The following AP4S1 variants were observed in gnomAD, a reference collection of about 807,000 sequenced individuals.
AP4S1 encodes adaptor related protein complex 4 subunit sigma 1.
In AP4S1, 23 loss-of-function variants were observed where a neutral mutation model predicts 19.8. The ratio of observed to expected loss-of-function variants is 1.16; its 90% CI spans 0.84 to 1.65. The LOEUF is 1.65. Among genes scored for constraint, AP4S1 ranks in the 40% most tolerant of loss-of-function variants. The probability of loss-of-function intolerance (pLI) is 0.00; values close to 1 mark genes in which losing one functional copy is unlikely to be tolerated. For synonymous variants in AP4S1, 46 were observed against 54.1 expected (o/e 0.85, Z 0.66); for missense variants, 166 against 172.8 (o/e 0.96, Z 0.22).
intron 5 of AP4S1, 120 bp downstream of exon 5, chr14:31,080,704 C>T: frequency 7.1e-7 from 1 of 1,417,130 alleles, no homozygotes; most frequent in East Asian, 2.3e-5. Flanking sequence ...TCACCAACAA[C>T]TATGACAAGA....
chr14:31,030,186 C>T (rs192355858), intron 1 of AP4S1, among the ~76,000 whole-genome samples: 1 of 152,012 alleles, frequency 6.6e-6, no homozygotes, highest in African/African-American at 2.4e-5. Context: ...TGGGTTTTCG[C>T]CATGTTGCAC....
intron 1 of AP4S1, 72 bp from the exon 2 acceptor site, chr14:31,066,054 T>TA (rs1042298938): frequency 2.8e-6 from 2 of 726,332 alleles, no homozygotes; most frequent in African/African-American, 3.6e-5. Context: ...TGTTTATCTA[T>TA]AAAAACATTT....
At chr14:31,082,850 T>G (rs577226496) in intron 5 of AP4S1, among the ~76,000 whole-genome samples, 1,706 of 150,114 alleles carry the variant, frequency 0.011, 27 homozygotes, top group African/African-American at 0.04. Flanking sequence ...GAGCCGAGAT[T>G]GCGCCACTGC....
At chr14:31,064,604 G>A (rs2139562216) in intron 1 of AP4S1, among the ~76,000 whole-genome samples, 1 of 152,234 alleles carries the variant, frequency 6.6e-6, no homozygotes, top group South Asian at 2.1e-4. Flanking sequence ...TTACAGGCAT[G>A]AGCCACCGCG....
Position 31,066,210 on chromosome 14 carries a change from T to C in AP4S1, c.14T>C (p.Phe5Ser), listed in dbSNP as rs1886705401. MIKF[F>S]LMVNKQGQTR... ...CAGGAAAGAAAAATGATAAAATTTT[T>C]CCTCATGGTGAATAAACAAGGGCAG... Residue 5 changes from phenylalanine (F) to serine (S), a missense_variant, in exon 2 of 6, where the codon TTC (phenylalanine) becomes TCC (serine). Transcript: ENST00000542754. 6.2e-7 allele frequency: 1 copy of C among 1,614,020 alleles called. No individual in the cohort carries two copies. Among genetic ancestry groups the C allele is most frequent in the South Asian group, 1.1e-5 (1 of 91,078 alleles).
intron 4 of AP4S1, 114 bp downstream of exon 4, chr14:31,073,087 G>T: frequency 2.2e-6 from 2 of 917,578 alleles, no homozygotes; most frequent in Non-Finnish European, 3.4e-6. Flanking sequence ...ATAAGTAAAA[G>T]TTAAAACTTA....
At chr14:31,055,323 G>A (rs1345733559) in intron 1 of AP4S1, among the ~76,000 whole-genome samples, 3 of 152,064 alleles carry the variant, frequency 2.0e-5, no homozygotes, top group Non-Finnish European at 2.9e-5. Context: ...GATTGGAATA[G>A]GCAGGAAAAG....
chr14:31,049,663 T>A (rs1379823859), intron 1 of AP4S1, among the ~76,000 whole-genome samples: 3 of 151,720 alleles, frequency 2.0e-5, no homozygotes, highest in Non-Finnish European at 4.4e-5. Flanking sequence ...TATTTATTTG[T>A]TTGTTTATTT....
intron 4 of AP4S1, among the ~76,000 whole-genome samples, chr14:31,079,282 A>C (rs1271510567): frequency 6.6e-6 from 1 of 152,166 alleles, no homozygotes; most frequent in Non-Finnish European, 1.5e-5. Context: ...ATATAAGCAA[A>C]GAGAAAGAGG....
intron 1 of AP4S1, among the ~76,000 whole-genome samples, chr14:31,061,985 T>C (rs1886463430): frequency 6.6e-6 from 1 of 152,110 alleles, no homozygotes; most frequent in Non-Finnish European, 1.5e-5. Flanking sequence ...TTGATCTATA[T>C]GCCACATTTA....
intron 2 of AP4S1, among the ~76,000 whole-genome samples, chr14:31,069,165 T>A (rs1886871868): frequency 2.6e-5 from 4 of 152,118 alleles, no homozygotes; most frequent in Admixed American, 2.6e-4. Context: ...ACTCAGCGCC[T>A]TCCCATAACT....
Position 31,095,425 on chromosome 14 carries a change from T to C in AP4S1, c.*2390T>C, listed in dbSNP as rs1322904332. Reference sequence around the variant, plus strand: ...CTACAGCTATCCTTTATCCCGTTTTTTGTTTGTTTTTTGGAGACAGCATCT... The same window carrying C: ...CTACAGCTATCCTTTATCCCGTTTTCTGTTTGTTTTTTGGAGACAGCATCT... On this transcript the variant is annotated 3_prime_UTR_variant, in exon 6 of 6. Coordinates refer to ENST00000542754, the MANE Select transcript of AP4S1 (RefSeq NM_001128126.3). 1 of 152,184 alleles carries C rather than the reference T, an allele frequency of 6.6e-6. No homozygotes were observed. The highest frequency in any genetic ancestry group is 2.4e-5 in the African/African-American group (1 of 41,430). 9.4% of individuals were successfully genotyped at this position (152,184 alleles called of 1,614,324 possible).
At chr14:31,042,970 C>T (rs969626006) in intron 1 of AP4S1, among the ~76,000 whole-genome samples, 3 of 152,098 alleles carry the variant, frequency 2.0e-5, no homozygotes, top group African/African-American at 7.2e-5. Flanking sequence ...CCTGTAATCC[C>T]AGCACTTTGG....
intron 1 of AP4S1, among the ~76,000 whole-genome samples, chr14:31,030,009 C>T (rs1352661732): frequency 2.7e-5 from 4 of 150,274 alleles, no homozygotes; most frequent in African/African-American, 7.4e-5. Context: ...GAGACTGGAT[C>T]TCACTCTGTC....
At chr14:31,057,732 TCTC>T (rs1172879231) in intron 1 of AP4S1, among the ~76,000 whole-genome samples, 1 of 151,946 alleles carries the variant, frequency 6.6e-6, no homozygotes. Flanking sequence ...TTCAAGTGAT[TCTC>T]CTGCCTTAGC....
At chr14:31,092,568 A>G (rs1053776697) in intron 5 of AP4S1, among the ~76,000 whole-genome samples, 2 of 152,194 alleles carry the variant, frequency 1.3e-5, no homozygotes, top group African/African-American at 4.8e-5. Context: ...GTCTGGGAAG[A>G]CAACACTATT....
chr14:31,044,811 C>T (rs117642945), intron 1 of AP4S1, among the ~76,000 whole-genome samples: 4,461 of 152,074 alleles, frequency 0.029, 78 homozygotes, highest in Non-Finnish European at 0.045. Flanking sequence ...CAAGGGTAAT[C>T]GTTCACATTT....
intron 5 of AP4S1, among the ~76,000 whole-genome samples, chr14:31,084,185 C>G (rs1358951305): frequency 1.3e-5 from 2 of 152,228 alleles, no homozygotes; most frequent in Non-Finnish European, 2.9e-5. Context: ...AGAAAGCCCT[C>G]CTTGTCAGCC....
intron 5 of AP4S1, chr14:31,084,859 G>T (rs528491755): frequency 1.2e-6 from 2 of 1,614,176 alleles, no homozygotes; most frequent in Non-Finnish European, 8.5e-7. Flanking sequence ...CAAAGGAGCT[G>T]CCTCCACCAC....
Sources: gnomAD v4.1 joint callset for allele counts (sites outside exome capture counted in the v4.1 genomes callset) on GRCh38, gnomAD v4.1.1 for gene constraint, MANE v1.5 for transcripts, NCBI Gene and HGNC (gene_info 2026-07-23, HGNC 2026-07-21) for gene names.